The following CNTNAP2 variants were observed in gnomAD, a reference collection of about 807,000 sequenced individuals.
CNTNAP2 encodes contactin-associated protein-like 2.
CNTNAP2 carries 98 observed loss-of-function variants against 155.2 expected under a neutral mutation model. The ratio of observed to expected loss-of-function variants is 0.63; its 90% confidence interval spans 0.54 to 0.75. The LOEUF is 0.75. Ranked by LOEUF, CNTNAP2 falls within the 30% of genes least tolerant of loss-of-function variation. The pLI, the probability that CNTNAP2 is intolerant of heterozygous loss-of-function variation, is 0.00. For synonymous variants in CNTNAP2, 651 were observed against 631.2 expected, an observed-to-expected ratio of 1.03 and a Z score of -0.47; for missense variants, 1,727 against 1,688.1, an observed-to-expected ratio of 1.02 and a Z score of -0.40.
intron 3 of CNTNAP2, among the ~76,000 whole-genome samples, chr7:146,917,659 G>T (rs10259219): frequency 8.3e-4 from 126 of 152,264 alleles, no homozygotes; most frequent in African/African-American, 2.9e-3. Context: ...GAGGGACCCA[G>T]TTGGAGGTAA....
At chr7:148,243,787 A>G (rs984794515) in intron 20 of CNTNAP2, among the ~76,000 whole-genome samples, 1 of 92,030 alleles carries the variant, frequency 1.1e-5, no homozygotes, top group African/African-American at 3.8e-5. Context: ...TGTCAACTAA[A>G]GACAAAAAAA....
intron 5 of CNTNAP2, among the ~76,000 whole-genome samples, chr7:147,113,430 C>G (rs1274973752): frequency 6.6e-6 from 1 of 151,156 alleles, no homozygotes; most frequent in Non-Finnish European, 1.5e-5. Context: ...CTGCCCAAGA[C>G]TGAGTGATTT....
At chr7:147,384,796 C>A (rs1344014038) in intron 9 of CNTNAP2, among the ~76,000 whole-genome samples, 2 of 152,062 alleles carry the variant, frequency 1.3e-5, no homozygotes, top group Non-Finnish European at 1.5e-5. Context: ...TTAAAACTTA[C>A]CAAAAAAATT....
intron 15 of CNTNAP2, among the ~76,000 whole-genome samples, chr7:148,019,939 C>A (rs1391540104): frequency 1.3e-5 from 2 of 152,172 alleles, no homozygotes; most frequent in Non-Finnish European, 1.5e-5. Context: ...TGCCTGCCAC[C>A]ACGCCCAGCT....
intron 8 of CNTNAP2, among the ~76,000 whole-genome samples, chr7:147,168,064 T>C (rs902596668): frequency 1.4e-5 from 2 of 147,286 alleles, no homozygotes; most frequent in Non-Finnish European, 3.0e-5. Flanking sequence ...TATATAAACA[T>C]ATATATATTT....
At chr7:147,441,003 T>C (rs549965807) in intron 10 of CNTNAP2, among the ~76,000 whole-genome samples, 7 of 152,260 alleles carry the variant, frequency 4.6e-5, no homozygotes, top group African/African-American at 1.4e-4. Flanking sequence ...TATTAATATC[T>C]TTCTTTAGGC....
intron 12 of CNTNAP2, among the ~76,000 whole-genome samples, chr7:147,585,010 G>A (rs1318067243): frequency 6.6e-6 from 1 of 152,066 alleles, no homozygotes; most frequent in Non-Finnish European, 1.5e-5. Context: ...GGACCTCCTG[G>A]GTCTGCTAGG....
At chr7:148,056,972 A>G (rs1585101467) in intron 15 of CNTNAP2, among the ~76,000 whole-genome samples, 1 of 152,306 alleles carries the variant, frequency 6.6e-6, no homozygotes, top group Non-Finnish European at 1.5e-5. Context: ...CAGACTTTAT[A>G]GACAAACAGA....
At chr7:147,973,410 C>A (rs1801371284) in intron 14 of CNTNAP2, among the ~76,000 whole-genome samples, 1 of 152,094 alleles carries the variant, frequency 6.6e-6, no homozygotes, top group Non-Finnish European at 1.5e-5. Context: ...GCTGACAATT[C>A]TTTCCCTCTT....
rs112337871 is a variant in CNTNAP2, at chr7:146,446,771, A to G, written c.98-327500A>G. Among the ~76,000 whole-genome samples, 1,004 of 152,172 alleles carry G rather than the reference A, an allele frequency of 6.6e-3. 9 individuals are homozygous for G. Among genetic ancestry groups the G allele is most frequent in the African/African-American group, 0.022 (915 of 41,558 alleles). The stretch of plus-strand genomic sequence containing the variant: ...GGCTGGAGAGAAATCTACTTGAAAT[A>G]TACAGTATACTCACCTATGAGTCCT... On this transcript the variant is annotated intron_variant, in intron 1 of 23. Coordinates refer to ENST00000361727, the MANE Select transcript of CNTNAP2 (RefSeq NM_014141.6).
At chr7:146,880,672 T>A (rs1027235487) in intron 3 of CNTNAP2, among the ~76,000 whole-genome samples, 15 of 152,170 alleles carry the variant, frequency 9.9e-5, no homozygotes, top group African/African-American at 3.6e-4. Flanking sequence ...AATACTTTGA[T>A]GACAATTAGG....
intron 13 of CNTNAP2, among the ~76,000 whole-genome samples, chr7:147,769,202 A>G (rs920175806): frequency 6.6e-5 from 10 of 152,190 alleles, no homozygotes; most frequent in African/African-American, 2.4e-4. Flanking sequence ...GAATCAAATT[A>G]TGTATCATCA....
intron 12 of CNTNAP2, 64 bp from the exon 13 acceptor site, chr7:147,639,042 C>G: frequency 6.6e-7 from 1 of 1,508,482 alleles, no homozygotes; most frequent in Non-Finnish European, 9.2e-7. Context: ...CAATTATTTT[C>G]TGACATTTGG....
intron 10 of CNTNAP2, among the ~76,000 whole-genome samples, chr7:147,445,308 T>C (rs1041636543): frequency 4.6e-5 from 7 of 152,192 alleles, no homozygotes; most frequent in Non-Finnish European, 1.0e-4. Context: ...ATTTAAAAAA[T>C]ATTTCCTATG....
At chr7:147,043,759 AAGGAAGC>A in intron 3 of CNTNAP2, 141 bp from the exon 4 acceptor site, 1 of 962,108 alleles carries the variant, frequency 1.0e-6, no homozygotes, top group South Asian at 1.6e-5. Context: ...CATTAAGAGT[AAGGAAGC>A]AGCTTTCTTC....
chr7:147,132,440 A>G lies in CNTNAP2; in HGVS notation c.1279A>G (p.Thr427Ala). ...DNLGNVEIDL[T>A]ESKVGVHINI... ...TTTGGGCAATGTGGAGATTGACCTCACTGAAAGCAAAGTGGGTGTTCACAT... is the reference window on the plus strand; with the variant it reads ...TTTGGGCAATGTGGAGATTGACCTCGCTGAAAGCAAAGTGGGTGTTCACAT... The change falls in exon 8 of 24, where the codon ACT (threonine) becomes GCT (alanine). Residue 427 changes from threonine (T) to alanine (A), a missense_variant. Physicochemically the swap from Thr to Ala is moderately conservative, Grantham distance 58. Transcript: ENST00000361727. The G allele has an allele frequency of 6.2e-7, 1 of 1,613,664 alleles. No homozygotes were observed. The highest frequency in any genetic ancestry group is 8.5e-7 in the Non-Finnish European group (1 of 1,179,746).
At chr7:146,296,334 C>G (rs1328848137) in intron 1 of CNTNAP2, among the ~76,000 whole-genome samples, 1 of 152,102 alleles carries the variant, frequency 6.6e-6, no homozygotes, top group African/African-American at 2.4e-5. Flanking sequence ...CCTGTGAAAA[C>G]CCTAGTCCCA....
chr7:147,779,240 C>T (rs1197164371), intron 13 of CNTNAP2, among the ~76,000 whole-genome samples: 3 of 152,194 alleles, frequency 2.0e-5, no homozygotes, highest in Non-Finnish European at 4.4e-5. Context: ...CTAAGCGCAT[C>T]CTCCTGGGCC....
chr7:146,205,608 G>A (rs933120881), intron 1 of CNTNAP2, among the ~76,000 whole-genome samples: 1 of 151,604 alleles, frequency 6.6e-6, no homozygotes, highest in African/African-American at 2.4e-5. Context: ...TAATAAAAAA[G>A]TACTGATTTC....
Sources: gnomAD v4.1 joint callset for allele counts (sites outside exome capture counted in the v4.1 genomes callset) on GRCh38, gnomAD v4.1.1 for gene constraint, MANE v1.5 for transcripts, NCBI Gene and HGNC (gene_info 2026-07-23, HGNC 2026-07-21) for gene names.